SH3RF1: variants seen among roughly 807,000 people sequenced by gnomAD.
SH3RF1 encodes the protein E3 ubiquitin-protein ligase SH3RF1.
A neutral mutation model predicts 74.0 loss-of-function variants in SH3RF1; 32 were observed. The ratio of observed to expected loss-of-function variants is 0.43; its 90% CI spans 0.33 to 0.58. The LOEUF is 0.58. Ranked by LOEUF, SH3RF1 falls within the 20% of genes least tolerant of loss-of-function variation. The pLI is 0.05. For synonymous variants in SH3RF1, 396 were observed against 439.6 expected, an observed-to-expected ratio of 0.90 and a Z score of 1.24; for missense variants, 954 against 1,130.9, an observed-to-expected ratio of 0.84 and a Z score of 2.24.
chr4:169,112,271 T>C (rs1020767124), intron 10 of SH3RF1, among the ~76,000 whole-genome samples: 1 of 152,238 alleles, frequency 6.6e-6, no homozygotes, highest in East Asian at 1.9e-4. Flanking sequence ...TCCTTGCTGA[T>C]AGTTTAATCT....
chr4:169,220,289 G>A (rs1730544762), intron 2 of SH3RF1: 2 of 152,142 alleles, frequency 1.3e-5, no homozygotes, highest in African/African-American at 4.8e-5. Flanking sequence ...GTCAAGTGGT[G>A]TCCACAGCTA....
At chr4:169,212,453 C>T (rs199805065) in intron 2 of SH3RF1, among the ~76,000 whole-genome samples, 2 of 152,140 alleles carry the variant, frequency 1.3e-5, no homozygotes, top group African/African-American at 2.4e-5. Context: ...GAGAATGACA[C>T]AATAATCCCA....
chr4:169,097,719 T>C (rs1732955011), intron 11 of SH3RF1, among the ~76,000 whole-genome samples: 1 of 152,220 alleles, frequency 6.6e-6, no homozygotes, highest in African/African-American at 2.4e-5. Flanking sequence ...TGCTTCCTGG[T>C]ATTCACACTC....
At chr4:169,136,669 A>G (rs760058147) in intron 4 of SH3RF1, 49 bp from the exon 5 acceptor site, 12 of 1,460,306 alleles carry the variant, frequency 8.2e-6, no homozygotes, top group Middle Eastern at 1.8e-4. Context: ...ACAATTCCTA[A>G]GAATTCCCTG....
chr4:169,196,620 C>T (rs1734816630), intron 2 of SH3RF1, among the ~76,000 whole-genome samples: 1 of 152,152 alleles, frequency 6.6e-6, no homozygotes, highest in Non-Finnish European at 1.5e-5. Context: ...AAATTAGAAG[C>T]TGGACTTCCT....
At chr4:169,125,831 A>G (rs1012039106) in intron 6 of SH3RF1, among the ~76,000 whole-genome samples, 12 of 152,230 alleles carry the variant, frequency 7.9e-5, no homozygotes, top group African/African-American at 2.9e-4. Context: ...CTGGTTGATG[A>G]GGGAATGGTT....
chr4:169,265,381 T>C (rs1485990936), intron 2 of SH3RF1, among the ~76,000 whole-genome samples: 1 of 152,234 alleles, frequency 6.6e-6, no homozygotes, highest in African/African-American at 2.4e-5. Context: ...TGCTGTGAAG[T>C]AGAGGCATCA....
intron 2 of SH3RF1, among the ~76,000 whole-genome samples, chr4:169,228,280 C>T (rs1225298930): frequency 6.6e-6 from 1 of 152,200 alleles, no homozygotes; most frequent in African/African-American, 2.4e-5. Flanking sequence ...AACAAATTAG[C>T]ACAAACTTCA....
At chr4:169,163,590 C>T (rs1273673044) in intron 2 of SH3RF1, among the ~76,000 whole-genome samples, 2 of 152,190 alleles carry the variant, frequency 1.3e-5, no homozygotes, top group African/African-American at 4.8e-5. Flanking sequence ...GTTTTGTCCA[C>T]ATCACCTATG....
intron 8 of SH3RF1, among the ~76,000 whole-genome samples, chr4:169,120,248 A>G (rs1733415816): frequency 6.6e-6 from 1 of 152,198 alleles, no homozygotes; most frequent in Non-Finnish European, 1.5e-5. Flanking sequence ...ATTTCTGACT[A>G]TATTATAGAA....
In SH3RF1 at chr4:169,173,504, T is replaced by C. The variant is rs140870117; in HGVS notation, c.394-16825A>G. Among the ~76,000 whole-genome samples, 249 of 152,260 alleles carry C rather than the reference T, an allele frequency of 1.6e-3. 2 individuals carry two copies. The highest frequency in any genetic ancestry group is 3.0e-3 in the Admixed American group (46 of 15,288). ...GAGGAAATGAAAAACAAGATATAAA[T>C]TGTCACTACAATCATGCTCCCTGCT... On this transcript the variant is annotated intron_variant, in intron 2 of 11. Transcript: ENST00000284637.
intron 2 of SH3RF1, among the ~76,000 whole-genome samples, chr4:169,194,241 C>T (rs1734774156): frequency 1.3e-5 from 2 of 152,098 alleles, no homozygotes; most frequent in South Asian, 2.1e-4. Context: ...CTGCACAAAA[C>T]CAAGATGTGC....
intron 4 of SH3RF1, among the ~76,000 whole-genome samples, chr4:169,145,524 A>T (rs926829062): frequency 6.7e-6 from 1 of 148,994 alleles, no homozygotes; most frequent in African/African-American, 2.5e-5. Context: ...ATGTAATACC[A>T]ATGTAATAAA....
chr4:169,242,919 C>T (rs1730936514), intron 2 of SH3RF1, among the ~76,000 whole-genome samples: 1 of 152,196 alleles, frequency 6.6e-6, no homozygotes, highest in Non-Finnish European at 1.5e-5. Flanking sequence ...CCTGTTATAG[C>T]AGCACAAATG....
chr4:169,115,799 T>C (rs999111437), intron 10 of SH3RF1, among the ~76,000 whole-genome samples: 2 of 151,986 alleles, frequency 1.3e-5, no homozygotes, highest in African/African-American at 2.4e-5. Flanking sequence ...ATAAAATAAA[T>C]CCATAAGTAA....
chr4:169,269,213 C>T lies in SH3RF1; in HGVS notation c.-1G>A, dbSNP rs1731404527. On this transcript the variant is annotated 5_prime_UTR_variant, in exon 2 of 12. Coordinates refer to ENST00000284637, the MANE Select transcript of SH3RF1 (RefSeq NM_020870.4). ...GATCCAACAAGGCTGATTCATCCAT[C>T]TTTATCTACTTTACTGAGAAAAAAT... is the stretch of plus-strand genomic sequence containing the variant. 6.4e-7 allele frequency: 1 copy of T among 1,561,634 alleles called. No individual in the cohort carries two copies. Among genetic ancestry groups the T allele is most frequent in the Non-Finnish European group, 8.6e-7 (1 of 1,160,014 alleles).
intron 11 of SH3RF1, among the ~76,000 whole-genome samples, chr4:169,105,112 T>C (rs1468714814): frequency 6.6e-6 from 1 of 152,044 alleles, no homozygotes; most frequent in Admixed American, 6.6e-5. Context: ...TTTAAAAACA[T>C]AACACTTTAT....
At chr4:169,113,302 G>A (rs898062576) in intron 10 of SH3RF1, among the ~76,000 whole-genome samples, 1 of 152,036 alleles carries the variant, frequency 6.6e-6, no homozygotes, top group Non-Finnish European at 1.5e-5. Context: ...GTAGAGACAG[G>A]GTTTCACTAT....
chr4:169,135,174 A>AAAACAAACAAAC (rs143567645), intron 5 of SH3RF1, among the ~76,000 whole-genome samples: 60 of 150,832 alleles, frequency 4.0e-4, no homozygotes, highest in Non-Finnish European at 5.2e-4. Flanking sequence ...ATCTCTATTA[A>AAAACAAACAAAC]AAACAAACAA....
Sources: allele counts gnomAD v4.1 joint callset (sites outside exome capture counted in the v4.1 genomes callset), GRCh38; gene constraint gnomAD v4.1.1; transcripts MANE v1.5; gene names NCBI Gene and HGNC (gene_info 2026-07-23, HGNC 2026-07-21).